The following SRPK2 variants were observed in gnomAD, a reference collection of about 807,000 sequenced individuals.
The protein encoded by SRPK2 is SRSF protein kinase 2.
SRPK2 carries 21 observed loss-of-function variants against 90.8 expected under a neutral mutation model. The observed-to-expected ratio is 0.23, with a 90% CI of 0.16 to 0.33. The LOEUF (loss-of-function observed/expected upper bound fraction) is 0.33. SRPK2 is among the 10% of genes least tolerant of loss of function. SRPK2 has a pLI of 1.00. For missense variants in SRPK2, 620 were observed against 869.0 expected (o/e 0.71, Z 3.60); for synonymous variants, 288 against 311.1 (o/e 0.93, Z 0.78).
chr7:105,385,427 C>A (rs1007590268), intron 2 of SRPK2, among the ~76,000 whole-genome samples: 1 of 151,836 alleles, frequency 6.6e-6, no homozygotes, highest in African/African-American at 2.4e-5. Flanking sequence ...CCGCCCGCCT[C>A]GGCCTCCCAA....
Position 105,388,871 on chromosome 7 carries a change from G to A in SRPK2, c.-65C>T, listed in dbSNP as rs976261104. ...CGACGCGGGCGCCGAGACGAGCTGGGCTGCAGCCTCCACTCGCTCCGCCGG... is the reference window on the plus strand; with the variant it reads ...CGACGCGGGCGCCGAGACGAGCTGGACTGCAGCCTCCACTCGCTCCGCCGG... On this transcript the variant is annotated 5_prime_UTR_variant, in exon 1 of 16. Transcript: ENST00000393651. 1.0e-4 allele frequency: 134 copies of A among 1,276,302 alleles called. No homozygotes were observed. The highest frequency in any genetic ancestry group is 1.9e-4 in the South Asian group (7 of 37,768). The allele number at this position is 1,276,302 out of a possible 1,614,324, so 79.1% of individuals were successfully genotyped here. A position where few individuals can be genotyped will look rare whatever the true frequency, so the allele number is the denominator to read the frequency against.
chr7:105,272,140 T>C (rs1168754089), intron 2 of SRPK2, among the ~76,000 whole-genome samples: 1 of 152,196 alleles, frequency 6.6e-6, no homozygotes, highest in Non-Finnish European at 1.5e-5. Context: ...AAAATGACTC[T>C]CTTGCCCACC....
At chr7:105,358,855 C>T (rs1455068074) in intron 2 of SRPK2, among the ~76,000 whole-genome samples, 2 of 151,976 alleles carry the variant, frequency 1.3e-5, no homozygotes, top group Non-Finnish European at 2.9e-5. Context: ...ACAAGCATGG[C>T]ACCAGCACCT....
chr7:105,262,806 T>C (rs1804485380), intron 2 of SRPK2, among the ~76,000 whole-genome samples: 1 of 151,600 alleles, frequency 6.6e-6, no homozygotes, highest in Non-Finnish European at 1.5e-5. Flanking sequence ...ACCAGAATGC[T>C]AACAAGGAAA....
At chr7:105,261,610 T>C (rs1381023956) in intron 2 of SRPK2, among the ~76,000 whole-genome samples, 1 of 152,220 alleles carries the variant, frequency 6.6e-6, no homozygotes, top group Non-Finnish European at 1.5e-5. Context: ...GATTATTTAT[T>C]AATCTATGCC....
intron 2 of SRPK2, among the ~76,000 whole-genome samples, chr7:105,382,826 C>T (rs549510837): frequency 6.6e-6 from 1 of 152,132 alleles, no homozygotes; most frequent in East Asian, 1.9e-4. Flanking sequence ...CTAATCTACA[C>T]AAGTGACACA....
upstream of SRPK2, chr7:105,388,987 C>T: frequency 1.9e-6 from 2 of 1,045,368 alleles, no homozygotes; most frequent in Non-Finnish European, 2.3e-6. Flanking sequence ...CGGCCCCGCC[C>T]CCGCCCCGCC....
intron 2 of SRPK2, among the ~76,000 whole-genome samples, chr7:105,336,093 A>T (rs1165323130): frequency 6.6e-6 from 1 of 152,240 alleles, no homozygotes; most frequent in East Asian, 1.9e-4. Context: ...TACAATTTAT[A>T]GTATTTTTCT....
At chr7:105,235,028 A>G (rs1005277395) in intron 2 of SRPK2, among the ~76,000 whole-genome samples, 3 of 152,154 alleles carry the variant, frequency 2.0e-5, no homozygotes, top group African/African-American at 7.2e-5. Context: ...CTCATCAGCT[A>G]TCGTTAGTGT....
chr7:105,115,027 CCTT>C (rs1799547165), downstream of SRPK2, among the ~76,000 whole-genome samples: 2 of 152,152 alleles, frequency 1.3e-5, no homozygotes, highest in South Asian at 2.1e-4. Flanking sequence ...AAAGGTTTGT[CCTT>C]CTAAGCATTT....
At chr7:105,286,147 T>G (rs1322112047) in intron 2 of SRPK2, among the ~76,000 whole-genome samples, 1 of 152,236 alleles carries the variant, frequency 6.6e-6, no homozygotes, top group Non-Finnish European at 1.5e-5. Flanking sequence ...AGTCTGTACA[T>G]AGGGTTTGGG....
At chr7:105,156,900 T>C (rs750170343) in intron 7 of SRPK2, among the ~76,000 whole-genome samples, 6 of 152,184 alleles carry the variant, frequency 3.9e-5, no homozygotes, top group African/African-American at 9.7e-5. Flanking sequence ...TAGGGTATAT[T>C]TGATGCCAAA....
In SRPK2 at chr7:105,245,403, T is replaced by G. The variant is rs115225091; in HGVS notation, c.72-41618A>C. Among the ~76,000 whole-genome samples, 898 of 152,252 alleles carry G rather than the reference T, an allele frequency of 5.9e-3. 7 individuals carry two copies. The highest frequency in any genetic ancestry group is 0.021 in the African/African-American group (855 of 41,538). ...GGTAAAAGAGCCAGAAATGGCAGGA[T>G]CAGTGAGGACTTTAGATAAAGAGGA... On this transcript the variant is annotated intron_variant, in intron 2 of 15. Coordinates refer to ENST00000393651, the MANE Select transcript of SRPK2 (RefSeq NM_182692.3).
At chr7:105,223,333 G>A (rs1585235366) in intron 2 of SRPK2, among the ~76,000 whole-genome samples, 1 of 152,202 alleles carries the variant, frequency 6.6e-6, no homozygotes, top group Admixed American at 6.5e-5. Flanking sequence ...GAAAGTCACA[G>A]AATCTGTTTC....
At chr7:105,191,314 A>G (rs141734861) in intron 3 of SRPK2, among the ~76,000 whole-genome samples, 2 of 152,130 alleles carry the variant, frequency 1.3e-5, no homozygotes, top group African/African-American at 4.8e-5. Flanking sequence ...CATGCCCACA[A>G]TCCTAGCACT....
intron 2 of SRPK2, among the ~76,000 whole-genome samples, chr7:105,338,081 A>T (rs77630431): frequency 9.6e-5 from 2 of 20,922 alleles, no homozygotes; most frequent in Admixed American, 8.2e-4. Context: ...AAAGAATATT[A>T]AAAAAAAAAA....
At chr7:105,276,514 G>C (rs1806514383) in intron 2 of SRPK2, among the ~76,000 whole-genome samples, 1 of 151,628 alleles carries the variant, frequency 6.6e-6, no homozygotes, top group South Asian at 2.1e-4. Context: ...AAGGCAGAAG[G>C]ACCGCTTAAG....
intron 3 of SRPK2, among the ~76,000 whole-genome samples, chr7:105,177,057 T>C (rs1361948214): frequency 1.3e-5 from 2 of 152,188 alleles, no homozygotes; most frequent in African/African-American, 4.8e-5. Flanking sequence ...TTCTTGGTTA[T>C]ACATGCTGCA....
intron 2 of SRPK2, among the ~76,000 whole-genome samples, chr7:105,261,718 T>C (rs1804321494): frequency 6.6e-6 from 1 of 152,214 alleles, no homozygotes; most frequent in African/African-American, 2.4e-5. Context: ...TTTGTTGACA[T>C]TTTGTGATGA....
Sources: gnomAD v4.1 joint callset for allele counts (sites outside exome capture counted in the v4.1 genomes callset) on GRCh38, gnomAD v4.1.1 for gene constraint, MANE v1.5 for transcripts, NCBI Gene and HGNC (gene_info 2026-07-23, HGNC 2026-07-21) for gene names.